The following NDNF variants were observed in gnomAD, a reference collection of about 807,000 sequenced individuals.
NDNF encodes protein NDNF.
In NDNF, 16 loss-of-function variants were observed where a neutral mutation model predicts 42.0. The ratio of observed to expected loss-of-function variants is 0.38; its 90% CI spans 0.26 to 0.58. The LOEUF (loss-of-function observed/expected upper bound fraction) is 0.58. Ranked by LOEUF, NDNF falls within the 20% of genes least tolerant of loss-of-function variation. NDNF has a pLI of 0.67. For synonymous variants in NDNF, 248 were observed against 251.7 expected, an observed-to-expected ratio of 0.99 and a Z score of 0.14; for missense variants, 616 against 666.2, an observed-to-expected ratio of 0.92 and a Z score of 0.83.
intron 1 of NDNF, among the ~76,000 whole-genome samples, chr4:121,055,203 T>C (rs1259670577): frequency 6.6e-6 from 1 of 152,064 alleles, no homozygotes; most frequent in East Asian, 1.9e-4. Context: ...GAAAATGGAT[T>C]TCAGTGAAGT....
At chr4:121,069,658 G>A (rs1266214273) in intron 1 of NDNF, among the ~76,000 whole-genome samples, 3 of 151,328 alleles carry the variant, frequency 2.0e-5, no homozygotes, top group Non-Finnish European at 4.4e-5. Context: ...AAGCTGTTAT[G>A]TTTCAAGTGT....
Position 121,037,270 on chromosome 4 carries a change from T to G in NDNF, c.701A>C (p.Asp234Ala). ...TTTCGGTGCCATCATAAAAGCATCA[T>G]CTGCACTCAGTTTTGCTTCCACTGC... ...LCAVEAKLSA[D>A]DAFMMAPKPG... The change falls in exon 4 of 4, where the codon GAT (aspartate) becomes GCT (alanine). Residue 234 changes from aspartate (D) to alanine (A), a missense_variant. Physicochemically the swap from Asp to Ala is moderately radical, Grantham distance 126. Coordinates refer to ENST00000379692, the MANE Select transcript of NDNF (RefSeq NM_024574.4). The G allele has an allele frequency of 6.2e-7, 1 of 1,614,136 alleles. No individual in the cohort carries two copies. Among genetic ancestry groups the G allele is most frequent in the East Asian group, 2.2e-5 (1 of 44,880 alleles).
At chr4:121,043,679 A>G (rs557217549) in intron 2 of NDNF, among the ~76,000 whole-genome samples, 2 of 152,380 alleles carry the variant, frequency 1.3e-5, no homozygotes, top group Admixed American at 1.3e-4. Context: ...AAGACTAAAG[A>G]AAGATGAATC....
chr4:121,051,771 AT>A (rs949822035), intron 1 of NDNF, among the ~76,000 whole-genome samples: 1 of 152,170 alleles, frequency 6.6e-6, no homozygotes, highest in African/African-American at 2.4e-5. Flanking sequence ...AATCTGGCTA[AT>A]TTTTTTTCCT....
intron 1 of NDNF, among the ~76,000 whole-genome samples, chr4:121,063,659 G>A (rs1416813729): frequency 6.6e-6 from 1 of 152,120 alleles, no homozygotes; most frequent in East Asian, 1.9e-4. Context: ...TACCTTTTAT[G>A]ATTAGAGGAG....
At chr4:121,048,945 C>T (rs1472088980) in intron 1 of NDNF, among the ~76,000 whole-genome samples, 1 of 152,168 alleles carries the variant, frequency 6.6e-6, no homozygotes, top group Non-Finnish European at 1.5e-5. Context: ...TCATCTAATG[C>T]TAGCAACAAC....
In NDNF at chr4:121,037,412, G is replaced by C. The variant is rs747607712; in HGVS notation, c.559C>G (p.Leu187Val). ...GCCAAAGTGACCGTGGTGCGCCCCA[G>C]TGAGGTCACATCTACTCTTGGGTCA... ...PYDPRVDVTS[L>V]GRTTVTLAWK... The change falls in exon 4 of 4, where the codon CTG becomes GTG. Residue 187 changes from leucine to valine, a missense_variant. Coordinates refer to ENST00000379692, the MANE Select transcript of NDNF (RefSeq NM_024574.4). 6.2e-7 allele frequency: 1 copy of C among 1,614,160 alleles called. No homozygotes were observed. Among genetic ancestry groups the C allele is most frequent in the East Asian group, 2.2e-5 (1 of 44,884 alleles).
At chr4:121,069,572 T>A (rs976798855) in intron 1 of NDNF, among the ~76,000 whole-genome samples, 2 of 152,236 alleles carry the variant, frequency 1.3e-5, no homozygotes, top group Non-Finnish European at 2.9e-5. Context: ...ACACTAAGCC[T>A]AAGTCTTTGA....
intron 1 of NDNF, among the ~76,000 whole-genome samples, chr4:121,057,805 G>A (rs1176361410): frequency 6.6e-6 from 1 of 152,168 alleles, no homozygotes; most frequent in Non-Finnish European, 1.5e-5. Flanking sequence ...AATCTCCGGG[G>A]AAATTCTTAA....
Position 121,037,398 on chromosome 4 carries a change from C to T in NDNF, c.573G>A (p.Thr191=), listed in dbSNP as rs763926169. 29 of 1,613,968 alleles carry T rather than the reference C, an allele frequency of 1.8e-5. No individual in the cohort carries two copies. The highest frequency in any genetic ancestry group is 6.7e-5 in the African/African-American group (5 of 74,892). Residue 191 remains threonine (T), a synonymous_variant, in exon 4 of 4, where the codon ACG becomes ACA. Transcript: ENST00000379692. ...RVDVTSLGRT[T]VTLAWKPSPT... ...GGCTTGGTTTCCAGGCCAAAGTGAC[C>T]GTGGTGCGCCCCAGTGAGGTCACAT... is the stretch of plus-strand genomic sequence containing the variant.
chr4:121,063,347 G>A (rs2148771822), intron 1 of NDNF, among the ~76,000 whole-genome samples: 1 of 151,938 alleles, frequency 6.6e-6, no homozygotes. Flanking sequence ...TTTTCTTATT[G>A]GGCTCTATTT....
Position 121,036,524 on chromosome 4 carries a change from T to C in NDNF, c.1447A>G (p.Lys483Glu), listed in dbSNP as rs1401906645. The C allele has an allele frequency of 6.2e-7, 1 of 1,614,212 alleles. No individual in the cohort carries two copies. Among genetic ancestry groups the C allele is most frequent in the Non-Finnish European group, 8.5e-7 (1 of 1,180,028 alleles). ...TCATTGTAGTTATCATCCACTTCTT[T>C]TTTGTAGATGCAAAACTTGTTCCTT... Reference protein sequence around the residue: ...QERNKFCIYKKEVDDNYNEDQ... With the variant: ...QERNKFCIYKEEVDDNYNEDQ... Residue 483 changes from lysine to glutamate, a missense_variant, in exon 4 of 4, where the codon AAA becomes GAA. Coordinates refer to ENST00000379692, the MANE Select transcript of NDNF (RefSeq NM_024574.4).
intron 2 of NDNF, 45 bp from the exon 3 acceptor site, chr4:121,040,099 C>T: frequency 6.4e-7 from 1 of 1,569,112 alleles, no homozygotes; most frequent in Non-Finnish European, 8.6e-7. Context: ...TTCTTTCTAA[C>T]ATTTACAATC....
Position 121,036,735 on chromosome 4 carries a change from T to G in NDNF, c.1236A>C (p.Lys412Asn). ...GTCGAACGAGGTATTTAGCTTTAGGTTTTCCTCTAAGCTGAAACTGCTGAA... is the reference window on the plus strand; with the variant it reads ...GTCGAACGAGGTATTTAGCTTTAGGGTTTCCTCTAAGCTGAAACTGCTGAA... Reference protein sequence around the residue: ...EGIQQFQLRGKPKAKYLVRLK... With the variant: ...EGIQQFQLRGNPKAKYLVRLK... The change falls in exon 4 of 4, where the codon AAA (lysine) becomes AAC (asparagine). Residue 412 changes from lysine (K) to asparagine (N), a missense_variant. Transcript: ENST00000379692. 3 of 1,614,102 alleles carry G rather than the reference T, an allele frequency of 1.9e-6. No homozygotes were observed. Among genetic ancestry groups the G allele is most frequent in the Non-Finnish European group, 2.5e-6 (3 of 1,180,022 alleles).
In NDNF at chr4:121,044,779, A is replaced by G. The variant is rs577050088; in HGVS notation, c.188+871T>C. 1.2e-4 allele frequency among the ~76,000 whole-genome samples: 19 copies of G among 152,284 alleles called. No individual in the cohort carries two copies. In the East Asian group the frequency reaches 3.7e-3, roughly 30 times the overall value. ...CAGGAGTTAGAGACCAGCCTGGGCA[A>G]CATAGTGAGACACCATCTCTACTAC... On this transcript the variant is annotated intron_variant, in intron 2 of 3. Coordinates refer to ENST00000379692, the MANE Select transcript of NDNF (RefSeq NM_024574.4).
At chr4:121,047,973 A>G (rs1278718727) in intron 1 of NDNF, among the ~76,000 whole-genome samples, 1 of 152,230 alleles carries the variant, frequency 6.6e-6, no homozygotes, top group African/African-American at 2.4e-5. Context: ...GGTTGATATA[A>G]TCTAACCAAG....
chr4:121,040,079 A>G (rs778811500), intron 2 of NDNF, 25 bp from the exon 3 acceptor site: 77 of 1,604,964 alleles, frequency 4.8e-5, no homozygotes, highest in Non-Finnish European at 6.5e-5. Context: ...ACCACTTTAG[A>G]CCGTGGTAAT....
At chr4:121,056,944 A>G (rs1466627121) in intron 1 of NDNF, among the ~76,000 whole-genome samples, 2 of 152,212 alleles carry the variant, frequency 1.3e-5, no homozygotes, top group African/African-American at 4.8e-5. Context: ...GAAAAGAGCA[A>G]GTGTGGTGGG....
chr4:121,062,868 C>T (rs6829190), intron 1 of NDNF, among the ~76,000 whole-genome samples: 101,854 of 151,994 alleles, frequency 0.67, 37,177 homozygotes, highest in Non-Finnish European at 0.82. Flanking sequence ...TTGCTTTGTA[C>T]GTGTGAATAA....
Sources: allele counts gnomAD v4.1 joint callset (sites outside exome capture counted in the v4.1 genomes callset), GRCh38; gene constraint gnomAD v4.1.1; transcripts MANE v1.5; gene names NCBI Gene and HGNC (gene_info 2026-07-23, HGNC 2026-07-21).